TLL2: variants seen among roughly 807,000 people sequenced by gnomAD.
TLL2 encodes tolloid like 2.
TLL2 carries 106 observed loss-of-function variants against 123.0 expected under a neutral mutation model. The observed-to-expected ratio is 0.86, with a 90% CI of 0.74 to 1.01. The LOEUF is 1.01. TLL2 is among the 50% of genes least tolerant of loss of function. The pLI is 0.00. For missense variants in TLL2, 1,332 were observed against 1,336.7 expected, an observed-to-expected ratio of 1.00 and a Z score of 0.06; for synonymous variants, 494 against 516.8, an observed-to-expected ratio of 0.96 and a Z score of 0.60.
At chr10:96,443,036 G>A (rs1175322974) in intron 3 of TLL2, among the ~76,000 whole-genome samples, 6 of 152,190 alleles carry the variant, frequency 3.9e-5, no homozygotes, top group African/African-American at 1.4e-4. Context: ...ACCCAAGTGT[G>A]TCTGACTGTC....
In TLL2 at chr10:96,373,718, A is replaced by G. The variant is rs1336991152; in HGVS notation, c.2540T>C (p.Leu847Pro). The G allele has an allele frequency of 6.2e-7, 1 of 1,614,266 alleles. No homozygotes were observed. Residue 847 changes from leucine (L) to proline (P), a missense_variant, in exon 19 of 21, where the codon CTG (leucine) becomes CCG (proline). Leu to Pro is a moderately conservative substitution (Grantham distance 98, BLOSUM62 -3). Transcript: ENST00000357947. ...TTTCTTGCTGCCGCAGAAACGGCCC[A>G]GAATGGGGGCCAGGCTGTCCGGCCC... is the stretch of plus-strand genomic sequence containing the variant. ...YDGPDSLAPILGRFCGSKKPD... is the reference protein window; with the variant it reads ...YDGPDSLAPIPGRFCGSKKPD...
At chr10:96,371,696 C>T (rs551414986) in intron 19 of TLL2, among the ~76,000 whole-genome samples, 6 of 152,330 alleles carry the variant, frequency 3.9e-5, no homozygotes, top group Admixed American at 2.6e-4. Flanking sequence ...TCCGGCCGGA[C>T]GCCCCCACCC....
chr10:96,463,464 G>A (rs11188773), intron 2 of TLL2, among the ~76,000 whole-genome samples: 24,354 of 152,168 alleles, frequency 0.16, 2,330 homozygotes, highest in East Asian at 0.29. Flanking sequence ...ACCAGACTTC[G>A]GGACCTCAGG....
At chr10:96,386,899 C>A in intron 14 of TLL2, 54 bp downstream of exon 14, 7 of 1,599,010 alleles carry the variant, frequency 4.4e-6, no homozygotes, top group South Asian at 3.3e-5. Flanking sequence ...CCCACTTCCC[C>A]AAAGACTTGT....
chr10:96,457,375 T>C (rs942481785), intron 2 of TLL2, among the ~76,000 whole-genome samples: 3 of 152,164 alleles, frequency 2.0e-5, no homozygotes, highest in Non-Finnish European at 2.9e-5. Flanking sequence ...TCCTACCCCA[T>C]GGTCCAGACT....
intron 13 of TLL2, 38 bp downstream of exon 13, chr10:96,395,149 C>A (rs748340991): frequency 3.2e-6 from 5 of 1,556,560 alleles, no homozygotes; most frequent in Non-Finnish European, 3.5e-6. Flanking sequence ...AATATTTCTT[C>A]TTGTGCCTAA....
At chr10:96,430,363 G>C (rs913674409) in intron 4 of TLL2, among the ~76,000 whole-genome samples, 3 of 152,136 alleles carry the variant, frequency 2.0e-5, no homozygotes, top group African/African-American at 7.2e-5. Context: ...GCTTCCTGAG[G>C]CCTCACCAGG....
intron 10 of TLL2, among the ~76,000 whole-genome samples, chr10:96,399,614 G>A (rs1474409012): frequency 1.3e-5 from 2 of 152,210 alleles, no homozygotes; most frequent in African/African-American, 4.8e-5. Flanking sequence ...TTTCAGTAAT[G>A]GTTTCTCTGG....
At position 96,493,595 on chromosome 10, in the gene TLL2, G is replaced by T. The variant is rs143012512; in HGVS notation, c.176-13136C>A. On this transcript the variant is annotated intron_variant, in intron 1 of 20. Coordinates refer to ENST00000357947, the MANE Select transcript of TLL2 (RefSeq NM_012465.4). ...CAGGGGATCTGAGAGGCTCAGCATG[G>T]GCAAAAAGGGAGGCTGAGAATTGGG... Among the ~76,000 whole-genome samples the T allele has an allele frequency of 1.4e-3, 207 of 152,132 alleles. 1 individual carries two copies. Among genetic ancestry groups the T allele is most frequent in the African/African-American group, 4.2e-3 (173 of 41,530 alleles).
intron 10 of TLL2, among the ~76,000 whole-genome samples, chr10:96,398,302 T>C (rs1846359698): frequency 6.6e-6 from 1 of 152,178 alleles, no homozygotes; most frequent in Admixed American, 6.5e-5. Flanking sequence ...CAGTAGCCTG[T>C]ATCTGGATAG....
intron 2 of TLL2, among the ~76,000 whole-genome samples, chr10:96,465,445 T>C (rs570707969): frequency 2.0e-5 from 3 of 152,340 alleles, no homozygotes; most frequent in Non-Finnish European, 4.4e-5. Context: ...TTGCCTTTTC[T>C]GTGTCCCATC....
intron 9 of TLL2, among the ~76,000 whole-genome samples, chr10:96,406,934 TA>T (rs1237083066): frequency 2.0e-5 from 3 of 152,052 alleles, no homozygotes; most frequent in African/African-American, 7.2e-5. Flanking sequence ...CCCTCCCCTC[TA>T]ACCCCATCTC....
chr10:96,411,512 CT>C (rs1846507167), intron 8 of TLL2, among the ~76,000 whole-genome samples: 1 of 152,162 alleles, frequency 6.6e-6, no homozygotes, highest in Non-Finnish European at 1.5e-5. Flanking sequence ...AGAACCTAGT[CT>C]TTATGTATGT....
chr10:96,476,857 TACAC>T (rs56240059), intron 2 of TLL2, among the ~76,000 whole-genome samples: 33,959 of 116,990 alleles, frequency 0.29, 4,212 homozygotes, highest in Middle Eastern at 0.4. Context: ...CCTTTTATGT[TACAC>T]ACACACACAC....
At chr10:96,398,711 C>G (rs1224149602) in intron 10 of TLL2, among the ~76,000 whole-genome samples, 1 of 152,024 alleles carries the variant, frequency 6.6e-6, no homozygotes, top group African/African-American at 2.4e-5. Context: ...GTTCAGAACA[C>G]AGGCCAGCCA....
At chr10:96,405,449 C>T (rs1846440677) in intron 9 of TLL2, 115 bp from the exon 10 acceptor site, 2 of 904,680 alleles carry the variant, frequency 2.2e-6, no homozygotes, top group African/African-American at 1.6e-5. Flanking sequence ...ACTTTCAGAC[C>T]ACGGTAGGAG....
At position 96,397,320 on chromosome 10, in the gene TLL2, A is replaced by G. The variant is rs544814464; in HGVS notation, c.1268-18T>C. Reference sequence around the variant, plus strand: ...AAACCTGCCTGGAAAGTGGAAAAAGAAGCAGTTAGGAGCCCTGGGGACAGC... The same window carrying G: ...AAACCTGCCTGGAAAGTGGAAAAAGGAGCAGTTAGGAGCCCTGGGGACAGC... On this transcript the variant is annotated intron_variant, in intron 10 of 20. Coordinates refer to ENST00000357947, the MANE Select transcript of TLL2 (RefSeq NM_012465.4). 1.2e-6 allele frequency: 2 copies of G among 1,605,088 alleles called. No homozygotes were observed. The highest frequency in any genetic ancestry group is 2.7e-5 in the African/African-American group (2 of 74,756).
At chr10:96,476,240 A>ATATATATATATATATTTTT in intron 2 of TLL2, among the ~76,000 whole-genome samples, 1 of 20,498 alleles carries the variant, frequency 4.9e-5, no homozygotes, top group Non-Finnish European at 1.0e-4. Context: ...ATATATATAT[A>ATATATATATATATATTTTT]TTTTATTTTT....
intron 1 of TLL2, among the ~76,000 whole-genome samples, chr10:96,510,171 G>T (rs1280328521): frequency 6.6e-6 from 1 of 152,202 alleles, no homozygotes; most frequent in African/African-American, 2.4e-5. Flanking sequence ...TGTGGGTGAG[G>T]ATAGGCAGGC....
Sources: gnomAD v4.1 joint callset for allele counts (sites outside exome capture counted in the v4.1 genomes callset) on GRCh38, gnomAD v4.1.1 for gene constraint, MANE v1.5 for transcripts, NCBI Gene and HGNC (gene_info 2026-07-23, HGNC 2026-07-21) for gene names.